Variants in LRRK1 observed in about 807,000 individuals in gnomAD.
LRRK1 encodes leucine rich repeat kinase 1.
LRRK1 carries 113 observed loss-of-function variants against 209.1 expected under a neutral mutation model. That is an observed-to-expected ratio of 0.54 (90% confidence interval 0.46 to 0.63). The LOEUF is 0.63. Ranked by LOEUF, LRRK1 falls within the 30% of genes least tolerant of loss-of-function variation. The probability of loss-of-function intolerance (pLI) is 0.00; values close to 1 mark genes in which losing one functional copy is unlikely to be tolerated. For synonymous variants in LRRK1, 1,144 were observed against 1,099.7 expected (o/e 1.04, Z -0.80); for missense variants, 2,284 against 2,632.2 (o/e 0.87, Z 2.89).
intron 2 of LRRK1, among the ~76,000 whole-genome samples, chr15:100,927,012 A>G (rs750935070): frequency 2.0e-5 from 3 of 152,076 alleles, no homozygotes; most frequent in Non-Finnish European, 4.4e-5. Context: ...AAAGTTCCCT[A>G]GTGATTCTAA....
intron 4 of LRRK1, among the ~76,000 whole-genome samples, chr15:100,984,972 C>T (rs1442588890): frequency 6.6e-6 from 1 of 152,216 alleles, no homozygotes; most frequent in Non-Finnish European, 1.5e-5. Flanking sequence ...ACGTTTAATA[C>T]TCTGTACTCA....
At chr15:100,992,665 T>C (rs2032207595) in intron 6 of LRRK1, among the ~76,000 whole-genome samples, 1 of 151,904 alleles carries the variant, frequency 6.6e-6, no homozygotes. Flanking sequence ...TTGTTTTGTT[T>C]TGTTTCTGTT....
intron 21 of LRRK1, 115 bp downstream of exon 21, chr15:101,046,267 G>C (rs2035071154): frequency 8.6e-7 from 1 of 1,159,322 alleles, no homozygotes; most frequent in Non-Finnish European, 1.2e-6. Context: ...CCTTCTCCTA[G>C]AGCCATGCCA....
At chr15:101,001,518 C>G (rs1457241237) in intron 6 of LRRK1, among the ~76,000 whole-genome samples, 1 of 152,026 alleles carries the variant, frequency 6.6e-6, no homozygotes, top group African/African-American at 2.4e-5. Flanking sequence ...TTCAGTTGTT[C>G]TTATTGTTAC....
chr15:101,053,889 G>A (rs2035635269), intron 26 of LRRK1, among the ~76,000 whole-genome samples: 1 of 152,196 alleles, frequency 6.6e-6, no homozygotes, highest in South Asian at 2.1e-4. Context: ...GTGGCCAGAG[G>A]GTGAAAGGTA....
Position 101,071,002 on chromosome 15 carries a change from A to G in LRRK1, c.*2154A>G, listed in dbSNP as rs2036783078. 1 of 152,262 alleles carries G rather than the reference A, an allele frequency of 6.6e-6. No homozygotes were observed. Among genetic ancestry groups the G allele is most frequent in the Admixed American group, 6.5e-5 (1 of 15,288 alleles). The allele number at this position is 152,262 out of a possible 1,614,324, so 9.4% of individuals were successfully genotyped here. A position where few individuals can be genotyped will look rare whatever the true frequency, so the allele number is the denominator to read the frequency against. On this transcript the variant is annotated 3_prime_UTR_variant, in exon 34 of 34. Coordinates refer to ENST00000388948, the MANE Select transcript of LRRK1 (RefSeq NM_024652.6). Reference sequence around the variant, plus strand: ...GAAAACCGGAAAGGCAAACAGGTTAAGGGCATGGGCAGCAATTGAATTACA... The same window carrying G: ...GAAAACCGGAAAGGCAAACAGGTTAGGGGCATGGGCAGCAATTGAATTACA...
chr15:101,026,683 C>G (rs1006310948), intron 17 of LRRK1, among the ~76,000 whole-genome samples: 1 of 152,232 alleles, frequency 6.6e-6, no homozygotes, highest in Non-Finnish European at 1.5e-5. Flanking sequence ...GGATTGTTTG[C>G]CACTTTGTAG....
Position 101,070,442 on chromosome 15 carries a change from T to C in LRRK1, c.*1594T>C, listed in dbSNP as rs1596370384. 3 of 150,206 alleles carry C rather than the reference T, an allele frequency of 2.0e-5. No individual in the cohort carries two copies. Among genetic ancestry groups the C allele is most frequent in the Non-Finnish European group, 1.5e-5 (1 of 67,762 alleles). The allele number at this position is 150,206 out of a possible 1,614,324, so 9.3% of individuals were successfully genotyped here. A position where few individuals can be genotyped will look rare whatever the true frequency, so the allele number is the denominator to read the frequency against. ...CAGCAGGGTCTCAGGAGTCCCACTC[T>C]CCCTCTCCTCTCATTCCAGTGCCCC... On this transcript the variant is annotated 3_prime_UTR_variant, in exon 34 of 34. Coordinates refer to ENST00000388948, the MANE Select transcript of LRRK1 (RefSeq NM_024652.6).
Position 100,962,828 on chromosome 15 carries a change from T to A in LRRK1, c.98-10976T>A, listed in dbSNP as rs1460832814. On this transcript the variant is annotated intron_variant, in intron 2 of 33. Coordinates refer to ENST00000388948, the MANE Select transcript of LRRK1 (RefSeq NM_024652.6). ...ATATATATATATATATATATATTTTTTTTTTTTTTTTTGAGATGGAGTTTC... is the reference window on the plus strand; with the variant it reads ...ATATATATATATATATATATATTTTATTTTTTTTTTTTGAGATGGAGTTTC... Among the ~76,000 whole-genome samples, 7 of 77,812 alleles carry A rather than the reference T, an allele frequency of 9.0e-5. 1 individual carries two copies. Among genetic ancestry groups the A allele is most frequent in the East Asian group, 5.7e-4 (2 of 3,506 alleles). The allele number at this position is 77,812 out of a possible 152,430, so 51.0% of individuals were successfully genotyped here.
chr15:101,011,602 GCA>G (rs1491310252), intron 9 of LRRK1, among the ~76,000 whole-genome samples: 2 of 148,950 alleles, frequency 1.3e-5, no homozygotes, highest in South Asian at 2.1e-4. Context: ...GTGTGTGTGT[GCA>G]TGTGTGTGTG....
In LRRK1 at chr15:101,053,001, A is replaced by G. The variant is rs201939674; in HGVS notation, c.3769A>G (p.Ile1257Val). The G allele has an allele frequency of 4.0e-5, 65 of 1,613,060 alleles. No homozygotes were observed. In the East Asian group the frequency reaches 1.4e-3, roughly 34 times the overall value. Residue 1257 changes from isoleucine to valine, a missense_variant, in exon 25 of 34, where the codon ATC (isoleucine) becomes GTC (valine). Transcript: ENST00000388948. ...GGGCCAGGGCGGCAGTGGCACCGTC[A>G]TCTACCGGGCCCGGTACCAGGGCCA... ...VLGQGGSGTV[I>V]YRARYQGQPV...
rs191967295 is a variant in LRRK1, at chr15:101,006,071, G to A, written c.763-2766G>A. 2.0e-5 allele frequency among the ~76,000 whole-genome samples: 3 copies of A among 152,272 alleles called. No homozygotes were observed. In the East Asian group the frequency reaches 5.8e-4, roughly 29 times the overall value. On this transcript the variant is annotated intron_variant, in intron 6 of 33. Coordinates refer to ENST00000388948, the MANE Select transcript of LRRK1 (RefSeq NM_024652.6). ...ATAGATTGTGTACTAATCGCAAAGG[G>A]TATAATGTTAACCTTTACAAAGGAG...
rs1356588957 is a variant in LRRK1 at position 101,070,132 on chromosome 15, GA to G, written c.*1285del. 1 of 152,040 alleles carries G rather than the reference GA, an allele frequency of 6.6e-6. No homozygotes were observed. Among genetic ancestry groups the G allele is most frequent in the African/African-American group, 2.4e-5 (1 of 41,390 alleles). The allele number at this position is 152,040 out of a possible 1,614,324, so 9.4% of individuals were successfully genotyped here. A position where few individuals can be genotyped will look rare whatever the true frequency, so the allele number is the denominator to read the frequency against. ...AACGAAGCTGTGGCCTCTGTCTTTT[GA>G]GCGCTTATGACCACAGCACGGGCTC... On this transcript the variant is annotated 3_prime_UTR_variant, in exon 34 of 34. Transcript: ENST00000388948.
intron 20 of LRRK1, among the ~76,000 whole-genome samples, chr15:101,032,157 G>A (rs182502775): frequency 1.3e-5 from 2 of 152,300 alleles, no homozygotes; most frequent in Non-Finnish European, 2.9e-5. Flanking sequence ...AGCACCTTTC[G>A]TGAGCTTATT....
chr15:101,056,486 T>C (rs1425130909), intron 27 of LRRK1, among the ~76,000 whole-genome samples: 1 of 152,006 alleles, frequency 6.6e-6, no homozygotes, highest in Non-Finnish European at 1.5e-5. Context: ...GGAAGTCAGA[T>C]GGATGGGTGG....
chr15:101,062,471 C>CAT, intron 30 of LRRK1, 103 bp from the exon 31 acceptor site: 1 of 808,606 alleles, frequency 1.2e-6, no homozygotes, highest in South Asian at 1.4e-5. Flanking sequence ...TTCCAAGACC[C>CAT]ATAGGGGATC....
In LRRK1 at chr15:101,009,193, T is replaced by C. The variant is rs539037073; in HGVS notation, c.989+130T>C. On this transcript the variant is annotated intron_variant, in intron 7 of 33. Coordinates refer to ENST00000388948, the MANE Select transcript of LRRK1 (RefSeq NM_024652.6). ...TCTGGCTAAAATAGGAGAAGGAGTT[T>C]TGCCTACCCTGAGGCAAGCCTCCCT... 94 of 723,276 alleles carry C rather than the reference T, an allele frequency of 1.3e-4. No individual in the cohort carries two copies. The African/African-American group carries it at 1.6e-3, about 12-fold the overall frequency. The allele number at this position is 723,276 out of a possible 1,614,324, so 44.8% of individuals were successfully genotyped here.
intron 2 of LRRK1, among the ~76,000 whole-genome samples, chr15:100,971,019 G>A (rs1362864398): frequency 3.9e-5 from 6 of 151,984 alleles, no homozygotes; most frequent in East Asian, 3.9e-4. Context: ...TGAGCCAACC[G>A]TGCTATGCAT....
intron 31 of LRRK1, among the ~76,000 whole-genome samples, chr15:101,063,239 C>A (rs2036297867): frequency 6.6e-6 from 1 of 152,210 alleles, no homozygotes; most frequent in South Asian, 2.1e-4. Flanking sequence ...GCACTCTCCC[C>A]ATTAAAGGCC....
Sources: allele counts gnomAD v4.1 joint callset (sites outside exome capture counted in the v4.1 genomes callset), GRCh38; gene constraint gnomAD v4.1.1; transcripts MANE v1.5; gene names NCBI Gene and HGNC (gene_info 2026-07-23, HGNC 2026-07-21).